SLC5A3: variants seen among roughly 807,000 people sequenced by gnomAD.
SLC5A3 encodes sodium/myo-inositol cotransporter.
In SLC5A3, 10 loss-of-function variants were observed where a neutral mutation model predicts 43.2. That is an observed-to-expected ratio of 0.23 (90% CI 0.14 to 0.39). The LOEUF (loss-of-function observed/expected upper bound fraction) is 0.39. Ranked by LOEUF, SLC5A3 falls within the 10% of genes least tolerant of loss-of-function variation. The pLI, the probability that SLC5A3 is intolerant of heterozygous loss-of-function variation, is 1.00. For synonymous variants in SLC5A3, 349 were observed against 322.0 expected (o/e 1.08, Z -0.90); for missense variants, 608 against 893.4 (o/e 0.68, Z 4.07).
chr21:34,081,038 T>C (rs985904695), intron 1 of SLC5A3, among the ~76,000 whole-genome samples: 30 of 152,134 alleles, frequency 2.0e-4, no homozygotes, highest in African/African-American at 7.2e-4. Flanking sequence ...GAAAACCAAG[T>C]TGGATTCTTT....
In SLC5A3 at chr21:34,097,501, G is replaced by T; in HGVS notation, c.*146G>T. ...TTAGCAGAAAATCATCTAATTACAAGACTTTATTTTCCCAGAGATGGATTA... is the reference window on the plus strand; with the variant it reads ...TTAGCAGAAAATCATCTAATTACAATACTTTATTTTCCCAGAGATGGATTA... On this transcript the variant is annotated 3_prime_UTR_variant, in exon 2 of 2. Coordinates refer to ENST00000381151, the MANE Select transcript of SLC5A3 (RefSeq NM_006933.7). The T allele has an allele frequency of 1.3e-5, 19 of 1,415,812 alleles. No homozygotes were observed. Among genetic ancestry groups the T allele is most frequent in the South Asian group, 1.8e-5 (1 of 56,962 alleles). The allele number at this position is 1,415,812 out of a possible 1,614,324, so 87.7% of individuals were successfully genotyped here. A position where few individuals can be genotyped will look rare whatever the true frequency, so the allele number is the denominator to read the frequency against.
chr21:34,104,346 C>G lies in SLC5A3; in HGVS notation c.*6991C>G. ...GTAGAAGAAAACGTATGTTCTTCTACTCAGCATTGCCCTTTTCCACCTCCT... is the reference window on the plus strand; with the variant it reads ...GTAGAAGAAAACGTATGTTCTTCTAGTCAGCATTGCCCTTTTCCACCTCCT... On this transcript the variant is annotated 3_prime_UTR_variant, in exon 2 of 2. Transcript: ENST00000381151. The G allele has an allele frequency of 1.0e-6, 1 of 999,924 alleles. No individual in the cohort carries two copies. Among genetic ancestry groups the G allele is most frequent in the Middle Eastern group, 5.2e-4 (1 of 1,916 alleles). The allele number at this position is 999,924 out of a possible 1,614,324, so 61.9% of individuals were successfully genotyped here.
chr21:34,103,399 A>G lies in SLC5A3; in HGVS notation c.*6044A>G, dbSNP rs1046787099. 5.0e-6 allele frequency: 5 copies of G among 995,826 alleles called. No homozygotes were observed. In the African/African-American group the frequency reaches 5.3e-5, roughly 11 times the overall value. 61.7% of individuals were successfully genotyped at this position (995,826 alleles called of 1,614,324 possible). ...GTTCAGTGAAACCAGGTAGTTCTGT[A>G]TTTGTGTTGTAGCCTAAATGTTGTT... On this transcript the variant is annotated 3_prime_UTR_variant, in exon 2 of 2. Coordinates refer to ENST00000381151, the MANE Select transcript of SLC5A3 (RefSeq NM_006933.7).
chr21:34,101,915 A>G lies in SLC5A3; in HGVS notation c.*4560A>G, dbSNP rs1326565348. 4.0e-6 allele frequency: 4 copies of G among 1,000,054 alleles called. No homozygotes were observed. Among genetic ancestry groups the G allele is most frequent in the South Asian group, 9.4e-5 (2 of 21,290 alleles). 61.9% of individuals were successfully genotyped at this position (1,000,054 alleles called of 1,614,324 possible). On this transcript the variant is annotated 3_prime_UTR_variant, in exon 2 of 2. Coordinates refer to ENST00000381151, the MANE Select transcript of SLC5A3 (RefSeq NM_006933.7). ...TGATCATTTATGTGAGCCCCTTTGAAATGATGGTGTCAGAGTGCAGAGAAA... is the reference window on the plus strand; with the variant it reads ...TGATCATTTATGTGAGCCCCTTTGAGATGATGGTGTCAGAGTGCAGAGAAA...
In SLC5A3 at chr21:34,105,793, GTTT is replaced by G. The variant is rs2148663184; in HGVS notation, c.*8440_*8442del. The G allele has an allele frequency of 1.0e-6, 1 of 995,270 alleles. No homozygotes were observed. The highest frequency in any genetic ancestry group is 6.1e-5 in the Admixed American group (1 of 16,278). 61.7% of individuals were successfully genotyped at this position (995,270 alleles called of 1,614,324 possible). ...AATTGTATCCATCTCATTGTACAGT[GTTT>G]TAGTTGCAAGCAGAAAGTAGAATTT... On this transcript the variant is annotated 3_prime_UTR_variant, in exon 2 of 2. Coordinates refer to ENST00000381151, the MANE Select transcript of SLC5A3 (RefSeq NM_006933.7).
chr21:34,097,291 T>G lies in SLC5A3; in HGVS notation c.2093T>G (p.Leu698Arg). The G allele has an allele frequency of 6.2e-7, 1 of 1,612,826 alleles. No individual in the cohort carries two copies. Among genetic ancestry groups the G allele is most frequent in the Non-Finnish European group, 8.5e-7 (1 of 1,179,594 alleles). ...LEETRQVKVI[L>R]NIGLFAVCSL... ...GAGACTCGGCAAGTTAAAGTAATAC[T>G]AAATATTGGACTTTTTGCTGTGTGT... The change falls in exon 2 of 2, where the codon CTA becomes CGA. Residue 698 changes from leucine to arginine, a missense_variant. Around this residue, in one of 2 missense-constraint regions of SLC5A3, gnomAD observed 210 missense variants for 224.8 expected, o/e 0.93. Coordinates refer to ENST00000381151, the MANE Select transcript of SLC5A3 (RefSeq NM_006933.7).
At chr21:34,081,848 T>G (rs1989465783) in intron 1 of SLC5A3, among the ~76,000 whole-genome samples, 1 of 152,190 alleles carries the variant, frequency 6.6e-6, no homozygotes, top group African/African-American at 2.4e-5. Flanking sequence ...TAAAACTTAT[T>G]ATATCTAAGT....
chr21:34,098,602 T>C lies in SLC5A3; in HGVS notation c.*1247T>C. The C allele has an allele frequency of 1.0e-6, 1 of 1,000,298 alleles. No individual in the cohort carries two copies. Among genetic ancestry groups the C allele is most frequent in the Non-Finnish European group, 1.2e-6 (1 of 830,008 alleles). 62.0% of individuals were successfully genotyped at this position (1,000,298 alleles called of 1,614,324 possible). ...CAGTGCATACTTTGCTGTTGTTAGG[T>C]TGTCAATATAGTCTTTCTGTAGGAT... On this transcript the variant is annotated 3_prime_UTR_variant, in exon 2 of 2. Transcript: ENST00000381151.
At chr21:34,091,124 A>G (rs529006883) in intron 1 of SLC5A3, among the ~76,000 whole-genome samples, 1 of 152,358 alleles carries the variant, frequency 6.6e-6, no homozygotes, top group South Asian at 2.1e-4. Flanking sequence ...AGCAGGGCTC[A>G]TCAAGCTTAC....
chr21:34,101,808 C>T lies in SLC5A3; in HGVS notation c.*4453C>T. On this transcript the variant is annotated 3_prime_UTR_variant, in exon 2 of 2. Coordinates refer to ENST00000381151, the MANE Select transcript of SLC5A3 (RefSeq NM_006933.7). ...AATGTTAATTCTCAGGAATGATTTT[C>T]TCACACTTTGTGTTGGCTAATAATA... 3.0e-5 allele frequency: 30 copies of T among 998,350 alleles called. No homozygotes were observed. The highest frequency in any genetic ancestry group is 3.6e-5 in the Non-Finnish European group (30 of 828,384). 61.8% of individuals were successfully genotyped at this position (998,350 alleles called of 1,614,324 possible). A position where few individuals can be genotyped will look rare whatever the true frequency, so the allele number is the denominator to read the frequency against.
chr21:34,077,248 A>G (rs774028551), intron 1 of SLC5A3, among the ~76,000 whole-genome samples: 1 of 152,240 alleles, frequency 6.6e-6, no homozygotes, highest in Non-Finnish European at 1.5e-5. Flanking sequence ...CGCATACTGT[A>G]TAATGTAGAG....
In SLC5A3 at chr21:34,100,804, C is replaced by CT; in HGVS notation, c.*3452dup. On this transcript the variant is annotated 3_prime_UTR_variant, in exon 2 of 2. Transcript: ENST00000381151. Reference sequence around the variant, plus strand: ...TAGGCATATGGATCTTCCCCTCTGACTTTGAATATCATTTGGTGTGGCCTG... The same window carrying CT: ...TAGGCATATGGATCTTCCCCTCTGACTTTTGAATATCATTTGGTGTGGCCTG... The CT allele has an allele frequency of 1.0e-6, 1 of 1,000,216 alleles. No individual in the cohort carries two copies. The highest frequency in any genetic ancestry group is 1.2e-6 in the Non-Finnish European group (1 of 829,976). The allele number at this position is 1,000,216 out of a possible 1,614,324, so 62.0% of individuals were successfully genotyped here. A position where few individuals can be genotyped will look rare whatever the true frequency, so the allele number is the denominator to read the frequency against.
At chr21:34,088,744 C>T (rs1203637524) in intron 1 of SLC5A3, among the ~76,000 whole-genome samples, 2 of 152,106 alleles carry the variant, frequency 1.3e-5, no homozygotes, top group African/African-American at 4.8e-5. Flanking sequence ...CTCATGGCTT[C>T]AGTTTTCTCA....
At chr21:34,089,795 A>G (rs893306716) in intron 1 of SLC5A3, among the ~76,000 whole-genome samples, 3 of 152,206 alleles carry the variant, frequency 2.0e-5, no homozygotes, top group Non-Finnish European at 4.4e-5. Context: ...TTTGAGTCCA[A>G]TCAGGGTTTT....
Position 34,097,638 on chromosome 21 carries a change from T to A in SLC5A3, c.*283T>A. Reference sequence around the variant, plus strand: ...GAGACCAATTATTCTCACAGAGCACTTAGAGCAGAATATATGTTAAGTTAC... The same window carrying A: ...GAGACCAATTATTCTCACAGAGCACATAGAGCAGAATATATGTTAAGTTAC... On this transcript the variant is annotated 3_prime_UTR_variant, in exon 2 of 2. Coordinates refer to ENST00000381151, the MANE Select transcript of SLC5A3 (RefSeq NM_006933.7). The A allele has an allele frequency of 8.7e-7, 1 of 1,145,260 alleles. No individual in the cohort carries two copies. The highest frequency in any genetic ancestry group is 1.1e-6 in the Non-Finnish European group (1 of 922,480). The allele number at this position is 1,145,260 out of a possible 1,614,324, so 70.9% of individuals were successfully genotyped here.
Position 34,100,724 on chromosome 21 carries a change from T to TGAGA in SLC5A3, c.*3371_*3374dup. 1.0e-6 allele frequency: 1 copy of TGAGA among 1,000,028 alleles called. No homozygotes were observed. Among genetic ancestry groups the TGAGA allele is most frequent in the Non-Finnish European group, 1.2e-6 (1 of 829,918 alleles). 61.9% of individuals were successfully genotyped at this position (1,000,028 alleles called of 1,614,324 possible). On this transcript the variant is annotated 3_prime_UTR_variant, in exon 2 of 2. Coordinates refer to ENST00000381151, the MANE Select transcript of SLC5A3 (RefSeq NM_006933.7). ...AGGCTAAGCAAGGGGTTAACTCTTG[T>TGAGA]GAGAGCCAATAGAGTGTGTCTGTAT...
intron 1 of SLC5A3, among the ~76,000 whole-genome samples, chr21:34,091,538 T>G (rs1171782803): frequency 6.6e-6 from 1 of 152,222 alleles, no homozygotes; most frequent in Non-Finnish European, 1.5e-5. Context: ...AGTGCTTATT[T>G]AAATTTGGTC....
chr21:34,105,017 T>G lies in SLC5A3; in HGVS notation c.*7662T>G, dbSNP rs755895388. 9.0e-6 allele frequency: 9 copies of G among 1,000,160 alleles called. No individual in the cohort carries two copies. Among genetic ancestry groups the G allele is most frequent in the Non-Finnish European group, 1.1e-5 (9 of 829,880 alleles). 62.0% of individuals were successfully genotyped at this position (1,000,160 alleles called of 1,614,324 possible). The stretch of plus-strand genomic sequence containing the variant: ...CTAATTTCACTGTGAGATCTCTAAC[T>G]TTTGAGTGGCAAACAGATCAAGTCT... On this transcript the variant is annotated 3_prime_UTR_variant, in exon 2 of 2. Transcript: ENST00000381151.
rs1979339815 is a variant in SLC5A3 at position 34,103,470 on chromosome 21, CT to C, written c.*6117del. 1.0e-6 allele frequency: 1 copy of C among 998,612 alleles called. No homozygotes were observed. Among genetic ancestry groups the C allele is most frequent in the South Asian group, 4.7e-5 (1 of 21,268 alleles). The allele number at this position is 998,612 out of a possible 1,614,324, so 61.9% of individuals were successfully genotyped here. A position where few individuals can be genotyped will look rare whatever the true frequency, so the allele number is the denominator to read the frequency against. ...CTTAAAGTTACTTATGTTCTGTGAT[CT>C]TAATTTTGTTGTGTTTCCATTGTAG... On this transcript the variant is annotated 3_prime_UTR_variant, in exon 2 of 2. Transcript: ENST00000381151.
Sources: gnomAD v4.1 joint callset for allele counts (sites outside exome capture counted in the v4.1 genomes callset) on GRCh38, gnomAD v4.1.1 for gene constraint, gnomAD v4.1.1 regional missense constraint, MANE v1.5 for transcripts, NCBI Gene and HGNC (gene_info 2026-07-23, HGNC 2026-07-21) for gene names.